Variants in MEIS1 observed in about 807,000 individuals in gnomAD.
The protein encoded by MEIS1 is homeobox protein Meis1.
Under a neutral mutation model 50.8 loss-of-function variants are expected in MEIS1, and 5 were observed. The observed-to-expected ratio is 0.10, with a 90% CI of 0.05 to 0.21. MEIS1 has a LOEUF of 0.21. Among genes scored for constraint, MEIS1 ranks in the 10% least tolerant of loss-of-function variants. MEIS1 has a pLI of 1.00. For missense variants in MEIS1, 318 were observed against 517.3 expected (o/e 0.61, Z 3.74); for synonymous variants, 176 against 179.3 (o/e 0.98, Z 0.15).
chr2:66,536,324 T>G (rs1674516760), intron 8 of MEIS1, among the ~76,000 whole-genome samples: 1 of 152,204 alleles, frequency 6.6e-6, no homozygotes, highest in Non-Finnish European at 1.5e-5. Flanking sequence ...AAAAGCTTAA[T>G]TTTGTCTTCC....
intron 9 of MEIS1, among the ~76,000 whole-genome samples, chr2:66,555,605 T>C (rs1316682813): frequency 1.3e-5 from 2 of 152,152 alleles, no homozygotes; most frequent in Non-Finnish European, 2.9e-5. Context: ...TGTGTTTACA[T>C]ATAGTTTGCC....
At chr2:66,456,605 G>T (rs889213861) in intron 6 of MEIS1, among the ~76,000 whole-genome samples, 5 of 152,176 alleles carry the variant, frequency 3.3e-5, no homozygotes, top group African/African-American at 1.2e-4. Context: ...CTATTAAGTG[G>T]AGTCATAAGC....
chr2:66,544,170 G>A (rs1436974319), intron 8 of MEIS1, among the ~76,000 whole-genome samples: 2 of 152,062 alleles, frequency 1.3e-5, no homozygotes, highest in Non-Finnish European at 2.9e-5. Flanking sequence ...CCATTGCATG[G>A]CCTCACTAGA....
chr2:66,465,475 T>C (rs1672611819), intron 7 of MEIS1, among the ~76,000 whole-genome samples: 2 of 152,188 alleles, frequency 1.3e-5, no homozygotes, highest in African/African-American at 4.8e-5. Flanking sequence ...GTATGTGTTA[T>C]GGCGTTGCTG....
At chr2:66,477,830 T>G (rs1672929696) in intron 7 of MEIS1, among the ~76,000 whole-genome samples, 1 of 152,188 alleles carries the variant, frequency 6.6e-6, no homozygotes, top group Non-Finnish European at 1.5e-5. Flanking sequence ...ACTTCTCAGC[T>G]GCTAATTTTT....
chr2:66,471,403 G>A (rs116833114), intron 7 of MEIS1, among the ~76,000 whole-genome samples: 1 of 152,206 alleles, frequency 6.6e-6, no homozygotes, highest in Non-Finnish European at 1.5e-5. Context: ...CACTTGATTT[G>A]TGATGTCAAT....
chr2:66,523,525 G>C (rs933977171), intron 8 of MEIS1, among the ~76,000 whole-genome samples: 1 of 152,198 alleles, frequency 6.6e-6, no homozygotes, highest in African/African-American at 2.4e-5. Flanking sequence ...GTTCCCACAA[G>C]GAAACATCTT....
At chr2:66,555,280 C>CTCTCTCTCTCTCTCTCTCTCTCT (rs10695722) in intron 9 of MEIS1, among the ~76,000 whole-genome samples, 35 of 133,922 alleles carry the variant, frequency 2.6e-4, no homozygotes, top group Admixed American at 3.3e-4. Flanking sequence ...CTCTCTCTCT[C>CTCTCTCTCTCTCTCTCTCTCTCT]GTCTCTCTCC....
intron 8 of MEIS1, among the ~76,000 whole-genome samples, chr2:66,530,930 A>G (rs1381954470): frequency 6.6e-6 from 1 of 152,242 alleles, no homozygotes; most frequent in African/African-American, 2.4e-5. Flanking sequence ...TTTGCATGTG[A>G]GTTCAACAAA....
At chr2:66,533,544 T>G (rs1253655032) in intron 8 of MEIS1, among the ~76,000 whole-genome samples, 1 of 152,146 alleles carries the variant, frequency 6.6e-6, no homozygotes. Context: ...ACTCTTTAAG[T>G]TAGAATCTAG....
At chr2:66,435,892 G>A (rs771021787) in intron 1 of MEIS1, 24 bp downstream of exon 1, 1 of 1,550,722 alleles carries the variant, frequency 6.4e-7, no homozygotes, top group South Asian at 1.2e-5. Flanking sequence ...AACAATTGTG[G>A]AACTCAAATG....
At chr2:66,461,046 AG>A (rs1296749888) in intron 6 of MEIS1, among the ~76,000 whole-genome samples, 1 of 152,194 alleles carries the variant, frequency 6.6e-6, no homozygotes, top group African/African-American at 2.4e-5. Flanking sequence ...TATACATTGA[AG>A]AAAAAAGCCT....
chr2:66,512,377 C>T (rs1201103454), intron 8 of MEIS1, 83 bp downstream of exon 8: 1 of 1,409,046 alleles, frequency 7.1e-7, no homozygotes, highest in Admixed American at 2.9e-5. Context: ...AAAAAGTGAT[C>T]CCTCTGGACT....
intron 6 of MEIS1, among the ~76,000 whole-genome samples, chr2:66,446,354 C>G (rs1428992473): frequency 6.6e-6 from 1 of 152,104 alleles, no homozygotes; most frequent in Non-Finnish European, 1.5e-5. Context: ...GCGCGCCACT[C>G]CTTGAATCTA....
At chr2:66,509,751 T>C (rs1045226249) in intron 7 of MEIS1, among the ~76,000 whole-genome samples, 1 of 152,196 alleles carries the variant, frequency 6.6e-6, no homozygotes, top group Non-Finnish European at 1.5e-5. Flanking sequence ...ATAATTCAGG[T>C]GCCCTCAAGG....
chr2:66,569,808 A>C (rs1049370252), intron 12 of MEIS1: 1 of 152,682 alleles, frequency 6.5e-6, no homozygotes, highest in Non-Finnish European at 1.5e-5. Context: ...GTATGCCATC[A>C]CTTGCAGTGT....
At chr2:66,528,720 C>T (rs1674317211) in intron 8 of MEIS1, among the ~76,000 whole-genome samples, 1 of 152,158 alleles carries the variant, frequency 6.6e-6, no homozygotes, top group African/African-American at 2.4e-5. Context: ...AACATTGGTC[C>T]CTTATAAACC....
intron 8 of MEIS1, among the ~76,000 whole-genome samples, chr2:66,531,525 A>G (rs1196184258): frequency 6.6e-6 from 1 of 152,222 alleles, no homozygotes; most frequent in African/African-American, 2.4e-5. Flanking sequence ...CTGTAAGGCA[A>G]TGTCATGACA....
chr2:66,484,690 C>G (rs1673096265), intron 7 of MEIS1, among the ~76,000 whole-genome samples: 2 of 152,052 alleles, frequency 1.3e-5, no homozygotes. Context: ...TCCCAAATAG[C>G]TGGGATTATA....
Sources: allele counts gnomAD v4.1 joint callset (sites outside exome capture counted in the v4.1 genomes callset), GRCh38; gene constraint gnomAD v4.1.1; transcripts MANE v1.5; gene names NCBI Gene and HGNC (gene_info 2026-07-23, HGNC 2026-07-21).